INPP4B: variants seen among roughly 807,000 people sequenced by gnomAD.
INPP4B encodes inositol polyphosphate-4-phosphatase type II B.
In INPP4B, 55 loss-of-function variants were observed where a neutral mutation model predicts 122.5. That is an observed-to-expected ratio of 0.45 (90% CI 0.36 to 0.56). The LOEUF (loss-of-function observed/expected upper bound fraction) is 0.56, where lower values mean the gene tolerates loss of function less well. Ranked by LOEUF, INPP4B falls within the 20% of genes least tolerant of loss-of-function variation. The probability of loss-of-function intolerance (pLI) is 0.00; values close to 1 mark genes in which losing one functional copy is unlikely to be tolerated. For missense variants in INPP4B, 1,000 were observed against 1,097.7 expected (o/e 0.91, Z 1.26); for synonymous variants, 403 against 388.7 (o/e 1.04, Z -0.43).
At chr4:142,241,281 G>A (rs1370929492) in intron 11 of INPP4B, among the ~76,000 whole-genome samples, 1 of 151,744 alleles carries the variant, frequency 6.6e-6, no homozygotes, top group Non-Finnish European at 1.5e-5. Context: ...TCATGCGACC[G>A]ATTATATCAA....
At chr4:142,557,580 C>T (rs1162167365) in intron 2 of INPP4B, among the ~76,000 whole-genome samples, 2 of 152,094 alleles carry the variant, frequency 1.3e-5, no homozygotes, top group Non-Finnish European at 2.9e-5. Context: ...CACATGCTCC[C>T]GATGTCCAGG....
chr4:142,123,003 C>T (rs1797201990), intron 20 of INPP4B, among the ~76,000 whole-genome samples: 4 of 151,970 alleles, frequency 2.6e-5, no homozygotes, highest in African/African-American at 9.7e-5. Context: ...AGGGTTGAGA[C>T]TTTAAAATCC....
intron 1 of INPP4B, among the ~76,000 whole-genome samples, chr4:142,820,709 C>T (rs186608149): frequency 2.0e-5 from 3 of 152,104 alleles, no homozygotes; most frequent in African/African-American, 7.2e-5. Context: ...AGTTCATTGC[C>T]CATCCAAGCT....
At chr4:142,725,248 G>A (rs1421319656) in intron 2 of INPP4B, among the ~76,000 whole-genome samples, 1 of 151,998 alleles carries the variant, frequency 6.6e-6, no homozygotes, top group African/African-American at 2.4e-5. Context: ...TGAAAATTTA[G>A]CAACTAAATA....
At chr4:142,595,561 C>T (rs181154914) in intron 2 of INPP4B, among the ~76,000 whole-genome samples, 4 of 152,050 alleles carry the variant, frequency 2.6e-5, no homozygotes, top group Admixed American at 2.6e-4. Context: ...GTTTATCCAG[C>T]AAAAATTGGT....
chr4:142,695,931 G>T (rs192131389), intron 2 of INPP4B, among the ~76,000 whole-genome samples: 1 of 152,226 alleles, frequency 6.6e-6, no homozygotes, highest in East Asian at 1.9e-4. Flanking sequence ...CTTGATGTGG[G>T]ATCTCAAGGG....
intron 3 of INPP4B, among the ~76,000 whole-genome samples, chr4:142,437,643 C>A (rs1810828168): frequency 6.6e-6 from 1 of 152,078 alleles, no homozygotes. Context: ...CCCAGAATTT[C>A]ATGTCTGGCC....
intron 5 of INPP4B, among the ~76,000 whole-genome samples, chr4:142,412,496 A>G (rs1167926070): frequency 1.3e-5 from 2 of 152,190 alleles, no homozygotes; most frequent in African/African-American, 4.8e-5. Context: ...TCAATTATAT[A>G]TAGTAAAATG....
intron 4 of INPP4B, 134 bp downstream of exon 4, chr4:142,431,035 C>T: frequency 1.6e-6 from 1 of 638,274 alleles, no homozygotes; most frequent in African/African-American, 1.8e-5. Flanking sequence ...AGGAAAAATA[C>T]TTTGGTAATT....
At chr4:142,761,409 G>T (rs1771327062) in intron 1 of INPP4B, among the ~76,000 whole-genome samples, 1 of 151,988 alleles carries the variant, frequency 6.6e-6, no homozygotes, top group Non-Finnish European at 1.5e-5. Context: ...ATTTTAAATT[G>T]GTACCATGAA....
At chr4:142,212,243 C>A (rs1845234870) in intron 12 of INPP4B, among the ~76,000 whole-genome samples, 1 of 152,030 alleles carries the variant, frequency 6.6e-6, no homozygotes, top group Non-Finnish European at 1.5e-5. Flanking sequence ...ATGTGCGATT[C>A]CCCAGAGATT....
intron 5 of INPP4B, among the ~76,000 whole-genome samples, chr4:142,409,401 G>GA (rs888843260): frequency 2.0e-5 from 3 of 152,108 alleles, no homozygotes; most frequent in African/African-American, 7.2e-5. Flanking sequence ...GCTGAGGTGG[G>GA]AGAGTCGCTT....
chr4:142,487,139 C>A (rs1425502887), intron 2 of INPP4B, among the ~76,000 whole-genome samples: 2 of 152,092 alleles, frequency 1.3e-5, no homozygotes, highest in Non-Finnish European at 2.9e-5. Context: ...AGTTTCTCTG[C>A]ACAAGCTCTC....
intron 16 of INPP4B, among the ~76,000 whole-genome samples, chr4:142,169,797 T>G (rs1364267548): frequency 6.6e-6 from 1 of 151,694 alleles, no homozygotes; most frequent in African/African-American, 2.4e-5. Flanking sequence ...AAGGGCCATA[T>G]CTATGTAGTA....
At chr4:142,738,195 A>G (rs1406400725) in intron 1 of INPP4B, among the ~76,000 whole-genome samples, 6 of 152,218 alleles carry the variant, frequency 3.9e-5, no homozygotes, top group Non-Finnish European at 7.3e-5. Context: ...AGTAGCAAAG[A>G]CTTGGAACCA....
chr4:142,423,189 C>G (rs1034797986), intron 5 of INPP4B, among the ~76,000 whole-genome samples: 4 of 151,966 alleles, frequency 2.6e-5, no homozygotes, highest in African/African-American at 9.7e-5. Flanking sequence ...TAAGTTGGGC[C>G]TCTTATGATT....
At chr4:142,189,196 GTGT>G (rs1349454470) in intron 15 of INPP4B, among the ~76,000 whole-genome samples, 2 of 152,176 alleles carry the variant, frequency 1.3e-5, no homozygotes, top group East Asian at 3.9e-4. Flanking sequence ...CTTTAGCTCT[GTGT>G]TGTTGTTTGC....
chr4:142,185,467 G>A (rs1319471825), intron 15 of INPP4B, among the ~76,000 whole-genome samples: 2 of 151,398 alleles, frequency 1.3e-5, no homozygotes, highest in Non-Finnish European at 2.9e-5. Context: ...TCCAAACTCA[G>A]TACTCAAGAC....
intron 2 of INPP4B, among the ~76,000 whole-genome samples, chr4:142,717,972 T>C (rs1254261345): frequency 7.1e-6 from 1 of 140,046 alleles, no homozygotes; most frequent in Non-Finnish European, 1.5e-5. Flanking sequence ...AAGAACAAGA[T>C]GTTAGGAAAG....
Sources: gnomAD v4.1 joint callset for allele counts (sites outside exome capture counted in the v4.1 genomes callset) on GRCh38, gnomAD v4.1.1 for gene constraint, MANE v1.5 for transcripts, NCBI Gene and HGNC (gene_info 2026-07-23, HGNC 2026-07-21) for gene names.